The following DSCAM variants were observed in gnomAD, a reference collection of about 807,000 sequenced individuals.
DSCAM encodes cell adhesion molecule DSCAM.
Under a neutral mutation model 217.7 loss-of-function variants are expected in DSCAM, and 47 were observed. That is an observed-to-expected ratio of 0.22 (90% CI 0.17 to 0.28). The LOEUF (loss-of-function observed/expected upper bound fraction) is 0.28, where lower values mean the gene tolerates loss of function less well. Among genes scored for constraint, DSCAM ranks in the 10% least tolerant of loss-of-function variants. The pLI is 1.00. For missense variants in DSCAM, 2,080 were observed against 2,618.3 expected, an observed-to-expected ratio of 0.79 and a Z score of 4.49; for synonymous variants, 1,056 against 1,015.3, an observed-to-expected ratio of 1.04 and a Z score of -0.76.
chr21:40,679,913 A>G (rs1410392584), intron 3 of DSCAM, among the ~76,000 whole-genome samples: 2 of 152,136 alleles, frequency 1.3e-5, no homozygotes, highest in African/African-American at 4.8e-5. Context: ...ACTTCCTAAC[A>G]AGCCTCACAC....
chr21:40,422,684 A>T (rs9980504), intron 3 of DSCAM, among the ~76,000 whole-genome samples: 108,514 of 151,800 alleles, frequency 0.71, 38,948 homozygotes, highest in Middle Eastern at 0.82. Context: ...TCTATTTTTT[A>T]AAAAATGTAT....
At chr21:40,324,188 C>T (rs1410563578) in intron 8 of DSCAM, among the ~76,000 whole-genome samples, 2 of 146,632 alleles carry the variant, frequency 1.4e-5, no homozygotes, top group African/African-American at 5.0e-5. Context: ...TAACTTTTTT[C>T]CCAAAAATTG....
chr21:40,167,879 C>A (rs1336722304), intron 15 of DSCAM, among the ~76,000 whole-genome samples: 2 of 152,142 alleles, frequency 1.3e-5, no homozygotes, highest in African/African-American at 4.8e-5. Flanking sequence ...TCCTGGCTAA[C>A]ACGATGAAAC....
intron 15 of DSCAM, among the ~76,000 whole-genome samples, chr21:40,172,106 T>C (rs1347659233): frequency 1.3e-5 from 2 of 152,214 alleles, no homozygotes; most frequent in Non-Finnish European, 2.9e-5. Flanking sequence ...TGGTCTCTAC[T>C]AAAAATACAC....
At chr21:40,506,930 A>G (rs993149972) in intron 3 of DSCAM, among the ~76,000 whole-genome samples, 2 of 152,266 alleles carry the variant, frequency 1.3e-5, no homozygotes, top group African/African-American at 2.4e-5. Context: ...AATACAAAGC[A>G]TATTATCAGA....
intron 8 of DSCAM, among the ~76,000 whole-genome samples, chr21:40,315,438 T>C (rs1730611284): frequency 6.6e-6 from 1 of 151,578 alleles, no homozygotes; most frequent in Non-Finnish European, 1.5e-5. Context: ...GTGTAGGTTG[T>C]AAATAATTGT....
chr21:40,681,553 C>A (rs2146423635), intron 3 of DSCAM, among the ~76,000 whole-genome samples: 1 of 150,502 alleles, frequency 6.6e-6, no homozygotes, highest in African/African-American at 2.5e-5. Flanking sequence ...GTGTGTCCAG[C>A]AGGAGATGGA....
intron 1 of DSCAM, among the ~76,000 whole-genome samples, chr21:40,729,117 T>C (rs749431525): frequency 3.3e-4 from 50 of 152,238 alleles, no homozygotes; most frequent in South Asian, 8.3e-4. Flanking sequence ...GGAATACACA[T>C]TATGTGCTAG....
At chr21:40,746,375 C>A (rs1301664221) in intron 1 of DSCAM, among the ~76,000 whole-genome samples, 131 of 141,824 alleles carry the variant, frequency 9.2e-4, no homozygotes, top group South Asian at 1.3e-3. Context: ...CAAATTGAAG[C>A]AAAAAAAAAA....
intron 32 of DSCAM, among the ~76,000 whole-genome samples, chr21:40,017,684 T>G (rs2088186205): frequency 6.6e-6 from 1 of 152,012 alleles, no homozygotes; most frequent in African/African-American, 2.4e-5. Flanking sequence ...CCTGAGTAGC[T>G]GGGATTACAG....
intron 10 of DSCAM, among the ~76,000 whole-genome samples, chr21:40,293,033 G>T (rs776691741): frequency 3.3e-5 from 5 of 152,140 alleles, no homozygotes; most frequent in Non-Finnish European, 7.3e-5. Context: ...ACTGCACTTG[G>T]CCCATTACGA....
At chr21:40,472,059 A>T (rs1319971211) in intron 3 of DSCAM, among the ~76,000 whole-genome samples, 1 of 152,130 alleles carries the variant, frequency 6.6e-6, no homozygotes, top group Admixed American at 6.6e-5. Flanking sequence ...TTTTTTGTCC[A>T]AAACAGAGAT....
chr21:40,443,946 T>G (rs1209232034), intron 3 of DSCAM, among the ~76,000 whole-genome samples: 1 of 152,194 alleles, frequency 6.6e-6, no homozygotes, highest in Non-Finnish European at 1.5e-5. Context: ...TTTTCACCAA[T>G]AATTTAGAAG....
chr21:40,123,831 C>T (rs1346715214), intron 20 of DSCAM, among the ~76,000 whole-genome samples: 1 of 151,490 alleles, frequency 6.6e-6, no homozygotes, highest in African/African-American at 2.4e-5. Flanking sequence ...GGAGGGAAGG[C>T]GTGAAGTGCT....
intron 3 of DSCAM, among the ~76,000 whole-genome samples, chr21:40,520,871 C>A (rs1051349340): frequency 1.3e-5 from 2 of 152,042 alleles, no homozygotes; most frequent in Admixed American, 1.3e-4. Flanking sequence ...TAAGGAATTG[C>A]AAATCATTGT....
At position 40,532,837 on chromosome 21, in the gene DSCAM, G is replaced by A. The variant is rs1286510178; in HGVS notation, c.508+159973C>T. On this transcript the variant is annotated intron_variant, in intron 3 of 32. Transcript: ENST00000400454. ...GAATGGCCCTGGGTAGGACTTTGGC[G>A]GGGGTGGTGCTTCAAAACAGCCACA... Among the ~76,000 whole-genome samples, 11 of 151,976 alleles carry A rather than the reference G, an allele frequency of 7.2e-5. No individual in the cohort carries two copies. In the East Asian group the frequency reaches 7.8e-4, roughly 11 times the overall value.
intron 20 of DSCAM, among the ~76,000 whole-genome samples, chr21:40,114,031 A>G (rs972057821): frequency 5.3e-5 from 8 of 152,124 alleles, no homozygotes; most frequent in East Asian, 3.9e-4. Context: ...CAAGCTACCA[A>G]TGACTTTCTT....
chr21:40,237,402 C>T (rs544092813), intron 11 of DSCAM, among the ~76,000 whole-genome samples: 2 of 152,074 alleles, frequency 1.3e-5, no homozygotes, highest in African/African-American at 4.8e-5. Flanking sequence ...GTGTGATGTT[C>T]CCCTCCCTGT....
intron 20 of DSCAM, among the ~76,000 whole-genome samples, chr21:40,097,603 C>T (rs904511228): frequency 3.3e-5 from 5 of 151,994 alleles, no homozygotes; most frequent in African/African-American, 9.7e-5. Flanking sequence ...GATTGTCAGA[C>T]CTGATATAAA....
Sources: gnomAD v4.1 joint callset for allele counts (sites outside exome capture counted in the v4.1 genomes callset) on GRCh38, gnomAD v4.1.1 for gene constraint, MANE v1.5 for transcripts, NCBI Gene and HGNC (gene_info 2026-07-23, HGNC 2026-07-21) for gene names.